Variants in TTN observed in about 807,000 individuals in gnomAD.
The protein encoded by TTN is connectin.
Under a neutral mutation model 3,223.0 loss-of-function variants are expected in TTN, and 1,525 were observed. The observed-to-expected ratio is 0.47, with a 90% confidence interval of 0.45 to 0.49. TTN has a LOEUF of 0.49. Ranked by LOEUF, TTN falls within the 20% of genes least tolerant of loss-of-function variation. TTN has a pLI of 0.00. For missense variants in TTN, 40,786 were observed against 43,424.0 expected (o/e 0.94, Z 5.40); for synonymous variants, 14,094 against 15,161.0 (o/e 0.93, Z 5.17).
In TTN at chr2:178,651,985, C is replaced by G; in HGVS notation, c.39296-18G>C. ...CTCGAACACTTTAAAGACATGAGCT[C>G]ATTTTAATGCCAGAATTGACTAAAA... is the stretch of plus-strand genomic sequence containing the variant. On this transcript the variant is annotated intron_variant, in intron 204 of 362. Coordinates refer to ENST00000589042, the MANE Select transcript of TTN (RefSeq NM_001267550.2). 6.2e-7 allele frequency: 1 copy of G among 1,610,700 alleles called. No homozygotes were observed. Among genetic ancestry groups the G allele is most frequent in the Non-Finnish European group, 8.5e-7 (1 of 1,178,388 alleles).
chr2:178,619,648 C>T lies in TTN; in HGVS notation c.46669G>A (p.Glu15557Lys). 1 of 1,611,922 alleles carries T rather than the reference C, an allele frequency of 6.2e-7. No homozygotes were observed. Among genetic ancestry groups the T allele is most frequent in the Non-Finnish European group, 8.5e-7 (1 of 1,178,724 alleles). Residue 15557 changes from glutamate to lysine, a missense_variant, in exon 250 of 363, where the codon GAA becomes AAA. Physicochemically the swap from Glu to Lys is moderately conservative, Grantham distance 56. Transcript: ENST00000589042. ...GEYRFIAKDKEARAKLELAAA... is the reference protein window; with the variant it reads ...GEYRFIAKDKKARAKLELAAA... The stretch of plus-strand genomic sequence containing the variant: ...GCCAGTTCAAGCTTAGCTCTGGCTT[C>T]TTTGTCTTTGGCAATAAATCTGTAT...
intron 6 of TTN, among the ~76,000 whole-genome samples, chr2:178,798,052 T>C (rs1001691702): frequency 1.1e-4 from 16 of 152,090 alleles, no homozygotes; most frequent in South Asian, 2.1e-4. Context: ...ATTCCCTATA[T>C]ACTTGGATCT....
Position 178,729,482 on chromosome 2 carries a change from G to T in TTN, c.18674C>A (p.Thr6225Lys). ...CAGCCAAGTGACTTCAAACGGAGGT[G>T]TTCCCGTAACTTCACACTCCAGCTC... Reference protein sequence around the residue: ...DVELECEVTGTPPFEVTWLKN... With the variant: ...DVELECEVTGKPPFEVTWLKN... Residue 6225 changes from threonine to lysine, a missense_variant, in exon 64 of 363, where the codon ACA becomes AAA. By Grantham distance (78) the Thr-to-Lys change is moderately conservative. Transcript: ENST00000589042. The T allele has an allele frequency of 6.2e-7, 1 of 1,613,582 alleles. No individual in the cohort carries two copies. Among genetic ancestry groups the T allele is most frequent in the Middle Eastern group, 1.7e-4 (1 of 6,052 alleles).
Position 178,663,894 on chromosome 2 carries a change from C to A in TTN, c.36373G>T (p.Ala12125Ser). ...TCTTCGCGGATAACCTCTTTGGAAGCTTCTGGCACTTGAAAGATATTAGTG... is the reference window on the plus strand; with the variant it reads ...TCTTCGCGGATAACCTCTTTGGAAGATTCTGGCACTTGAAAGATATTAGTG... ...PEVPPVKVPE[A>S]SKEVIREEKV... The change falls in exon 170 of 363, where the codon GCT becomes TCT. Residue 12125 changes from alanine (A) to serine (S), a missense_variant. By Grantham distance (99) the Ala-to-Ser change is moderately conservative. Transcript: ENST00000589042. 5.6e-6 allele frequency: 9 copies of A among 1,613,304 alleles called. No individual in the cohort carries two copies. Among genetic ancestry groups the A allele is most frequent in the Non-Finnish European group, 7.6e-6 (9 of 1,179,780 alleles).
intron 149 of TTN, 22 bp downstream of exon 149, chr2:178,675,649 T>G (rs1045982615): frequency 3.3e-5 from 46 of 1,390,910 alleles, no homozygotes; most frequent in Non-Finnish European, 4.3e-5. Context: ...AGCAAACATA[T>G]CCCTGTTATG....
In TTN at chr2:178,705,449, G is replaced by A. The variant is rs1042413433; in HGVS notation, c.29421-92C>T. On this transcript the variant is annotated intron_variant, in intron 102 of 362. Coordinates refer to ENST00000589042, the MANE Select transcript of TTN (RefSeq NM_001267550.2). Reference sequence around the variant, plus strand: ...ATTCAAAGATTATATACTTCATTAAGGTTTTCTATGTTCTTTATTCAATAA... The same window carrying A: ...ATTCAAAGATTATATACTTCATTAAAGTTTTCTATGTTCTTTATTCAATAA... 18 of 948,848 alleles carry A rather than the reference G, an allele frequency of 1.9e-5. No individual in the cohort carries two copies. The Admixed American group carries it at 6.1e-4, about 32-fold the overall frequency. 58.8% of individuals were successfully genotyped at this position (948,848 alleles called of 1,614,324 possible).
Position 178,675,977 on chromosome 2 carries a change from T to G in TTN, c.34397A>C (p.Lys11466Thr), listed in dbSNP as rs185038367. 3 of 1,603,272 alleles carry G rather than the reference T, an allele frequency of 1.9e-6. 1 individual carries two copies. The highest frequency in any genetic ancestry group is 2.2e-5 in the South Asian group (2 of 89,112). The change falls in exon 148 of 363, where the codon AAA becomes ACA. Residue 11466 changes from lysine (K) to threonine (T), a missense_variant. By Grantham distance (78) the Lys-to-Thr change is moderately conservative. Transcript: ENST00000589042. ...PPPKVPEIKK[K>T]VTEKKVVIPK... ...AATGACCACTTTCTTCTCTGTCACT[T>G]TCTTCTTAATTTCAGGCACTTTAAA...
intron 40 of TTN, among the ~76,000 whole-genome samples, chr2:178,766,869 A>G (rs1033711707): frequency 6.6e-6 from 1 of 152,158 alleles, no homozygotes; most frequent in Non-Finnish European, 1.5e-5. Context: ...AGAGACAATT[A>G]TTTCATCCTT....
intron 279 of TTN, 46 bp from the exon 280 acceptor site, chr2:178,605,341 G>C (rs767287407): frequency 6.5e-7 from 1 of 1,531,846 alleles, no homozygotes; most frequent in South Asian, 1.3e-5. Context: ...TCATAAGGAT[G>C]TTTTTTTCAA....
intron 127 of TTN, 46 bp from the exon 128 acceptor site, chr2:178,685,644 A>G (rs2070662414): frequency 6.3e-7 from 1 of 1,577,134 alleles, no homozygotes; most frequent in Non-Finnish European, 8.7e-7. Flanking sequence ...AGTGTTTTTC[A>G]TGTTTATTTT....
Position 178,602,010 on chromosome 2 carries a change from C to G in TTN, c.55261G>C (p.Ala18421Pro). 6.2e-7 allele frequency: 1 copy of G among 1,612,620 alleles called. No homozygotes were observed. The highest frequency in any genetic ancestry group is 8.5e-7 in the Non-Finnish European group (1 of 1,179,164). Reference protein sequence around the residue: ...SWEFDGKAKKAMKDGVHDIPE... With the variant: ...SWEFDGKAKKPMKDGVHDIPE... ...AATGGTTATTTTCCTACCTTCATTG[C>G]TTTCTTTGCCTTTCCATCAAATTCC... Residue 18421 changes from alanine (A) to proline (P), a missense_variant, in exon 284 of 363, where the codon GCA (alanine) becomes CCA (proline). Coordinates refer to ENST00000589042, the MANE Select transcript of TTN (RefSeq NM_001267550.2).
rs538368683 is a variant in TTN, at chr2:178,573,678, C to G, written c.72454G>C (p.Gly24152Arg). The G allele has an allele frequency of 4.6e-6, 7 of 1,516,412 alleles. No homozygotes were observed. In the South Asian group the frequency reaches 9.6e-5, roughly 21 times the overall value. The allele number at this position is 1,516,412 out of a possible 1,614,324, so 93.9% of individuals were successfully genotyped here. A position where few individuals can be genotyped will look rare whatever the true frequency, so the allele number is the denominator to read the frequency against. The part of the protein sequence containing the change: ...LSWFPPLDDG[G>R]AKIDHYIVQK... Reference sequence around the variant, plus strand: ...ACTATGTAATGATCAATTTTGGCACCTCCATCATCCAGTGGAGGGAACCAT... The same window carrying G: ...ACTATGTAATGATCAATTTTGGCACGTCCATCATCCAGTGGAGGGAACCAT... The change falls in exon 326 of 363, where the codon GGT becomes CGT. Residue 24152 changes from glycine (G) to arginine (R), a missense_variant. Coordinates refer to ENST00000589042, the MANE Select transcript of TTN (RefSeq NM_001267550.2).
In TTN at chr2:178,536,490, A is replaced by G. The variant is rs727505046; in HGVS notation, c.100257T>C (p.Asp33419=). ...CVVAWKPPAS[D]GGAKIRNYYL... ...AGTAATTTCTAATCTTTGCACCTCC[A>G]TCACTGGCAGGTGGCTTCCAGGCCA... Residue 33419 remains aspartate (D), a synonymous_variant, in exon 357 of 363, where the codon GAT becomes GAC. Transcript: ENST00000589042. 30 of 1,572,006 alleles carry G rather than the reference A, an allele frequency of 1.9e-5. No homozygotes were observed. Among genetic ancestry groups the G allele is most frequent in the East Asian group, 1.1e-4 (5 of 44,544 alleles).
rs886044006 is a variant in TTN at position 178,611,038 on chromosome 2, T to C, written c.51091A>G (p.Asn17031Asp). 1.2e-6 allele frequency: 2 copies of C among 1,612,726 alleles called. No individual in the cohort carries two copies. Among genetic ancestry groups the C allele is most frequent in the Non-Finnish European group, 1.7e-6 (2 of 1,179,128 alleles). The change falls in exon 270 of 363, where the codon AAT becomes GAT. Residue 17031 changes from asparagine to aspartate, a missense_variant. Physicochemically the swap from Asn to Asp is conservative, Grantham distance 23 (BLOSUM62 1). Coordinates refer to ENST00000589042, the MANE Select transcript of TTN (RefSeq NM_001267550.2). ...GAGGCTGTTGCTGAGCCGAGCTTAT[T>C]CTCCAGTGTAATGGTATAAATTCCG... ...DAGIYTITLENKLGSATASIN... is the reference protein window; with the variant it reads ...DAGIYTITLEDKLGSATASIN...
Position 178,583,197 on chromosome 2 carries a change from A to G in TTN, c.65606T>C (p.Met21869Thr). ...VPPRIDLSVA[M>T]KSLLTVKAGT... is the part of the protein sequence containing the mutation. ...AGCTTTCACAGTAAGCAAAGATTTC[A>G]TAGCCACACTCAGGTCTATCCTGGG... The change falls in exon 313 of 363, where the codon ATG becomes ACG. Residue 21869 changes from methionine (M) to threonine (T), a missense_variant. Met to Thr is a moderately conservative substitution (Grantham distance 81). Coordinates refer to ENST00000589042, the MANE Select transcript of TTN (RefSeq NM_001267550.2). 3 of 1,609,206 alleles carry G rather than the reference A, an allele frequency of 1.9e-6. No homozygotes were observed. Among genetic ancestry groups the G allele is most frequent in the Non-Finnish European group, 2.5e-6 (3 of 1,176,880 alleles).
intron 68 of TTN, 107 bp from the exon 69 acceptor site, chr2:178,727,478 A>G (rs887249407): frequency 6.6e-6 from 10 of 1,503,994 alleles, no homozygotes; most frequent in Non-Finnish European, 8.0e-6. Context: ...ACTGTTTACT[A>G]TGTTAGAAAG....
intron 299 of TTN, 21 bp downstream of exon 299, chr2:178,593,152 A>G (rs1217107775): frequency 1.2e-6 from 2 of 1,611,368 alleles, no homozygotes; most frequent in South Asian, 1.1e-5. Flanking sequence ...TGAAAACTGA[A>G]TAAATCCATT....
In TTN at chr2:178,654,062, T is replaced by C. The variant is rs988898392; in HGVS notation, c.38414A>G (p.Lys12805Arg). The change falls in exon 194 of 363, where the codon AAG becomes AGG. Residue 12805 changes from lysine to arginine, a missense_variant. Lys to Arg is a conservative substitution (Grantham distance 26). Coordinates refer to ENST00000589042, the MANE Select transcript of TTN (RefSeq NM_001267550.2). ...TTTGATTGGTGCCTTGGGAATTTTCTTTTCTGGGACAACTTCTTGAGCAGC... is the reference window on the plus strand; with the variant it reads ...TTTGATTGGTGCCTTGGGAATTTTCCTTTCTGGGACAACTTCTTGAGCAGC... ...PEAAQEVVPE[K>R]KIPKAPIKKP... The C allele has an allele frequency of 6.3e-7, 1 of 1,584,930 alleles. No individual in the cohort carries two copies. The highest frequency in any genetic ancestry group is 1.4e-5 in the African/African-American group (1 of 73,480).
At chr2:178,794,348 T>A in intron 8 of TTN, 51 bp downstream of exon 8, 2 of 1,612,160 alleles carry the variant, frequency 1.2e-6, no homozygotes, top group South Asian at 1.1e-5. Context: ...TGAGTTAATG[T>A]GCACTGAAGG....
Sources: gnomAD v4.1 joint callset for allele counts (sites outside exome capture counted in the v4.1 genomes callset) on GRCh38, gnomAD v4.1.1 for gene constraint, MANE v1.5 for transcripts, NCBI Gene and HGNC (gene_info 2026-07-23, HGNC 2026-07-21) for gene names.